Variants in TMEM132D observed in about 807,000 individuals in gnomAD.
The protein encoded by TMEM132D is transmembrane protein 132D.
In TMEM132D, 21 loss-of-function variants were observed where a neutral mutation model predicts 62.3. That is an observed-to-expected ratio of 0.34 (90% CI 0.24 to 0.49). TMEM132D has a LOEUF of 0.49. TMEM132D is among the 20% of genes least tolerant of loss of function. The probability of loss-of-function intolerance (pLI) is 0.99; values close to 1 mark genes in which losing one functional copy is unlikely to be tolerated. For missense variants in TMEM132D, 1,346 were observed against 1,402.8 expected, an observed-to-expected ratio of 0.96 and a Z score of 0.65; for synonymous variants, 621 against 575.6, an observed-to-expected ratio of 1.08 and a Z score of -1.13.
At chr12:129,822,591 G>A (rs1872565991) in intron 1 of TMEM132D, among the ~76,000 whole-genome samples, 1 of 152,196 alleles carries the variant, frequency 6.6e-6, no homozygotes, top group African/African-American at 2.4e-5. Context: ...CTGCTATGAA[G>A]AAATACCCGA....
chr12:129,082,086 G>C (rs1194867025), intron 6 of TMEM132D, 54 bp from the exon 7 acceptor site: 18 of 1,544,992 alleles, frequency 1.2e-5, no homozygotes, highest in Non-Finnish European at 1.6e-5. Flanking sequence ...CCTCTGTAAG[G>C]GGCCGTGTGT....
intron 3 of TMEM132D, among the ~76,000 whole-genome samples, chr12:129,459,195 G>A (rs1324607075): frequency 6.6e-6 from 1 of 152,160 alleles, no homozygotes; most frequent in Non-Finnish European, 1.5e-5. Flanking sequence ...CTGGAAATGA[G>A]GGCAGAGTGA....
At chr12:129,147,640 A>G (rs1876951108) in intron 5 of TMEM132D, among the ~76,000 whole-genome samples, 1 of 152,190 alleles carries the variant, frequency 6.6e-6, no homozygotes, top group African/African-American at 2.4e-5. Context: ...TATTCGTGTT[A>G]GACATTGTAT....
At chr12:129,500,047 C>T (rs1875083852) in intron 3 of TMEM132D, among the ~76,000 whole-genome samples, 1 of 150,624 alleles carries the variant, frequency 6.6e-6, no homozygotes, top group Non-Finnish European at 1.5e-5. Flanking sequence ...TCATCTGTCC[C>T]CCATCAGTCA....
At chr12:129,140,114 A>G (rs1436274634) in intron 5 of TMEM132D, among the ~76,000 whole-genome samples, 1 of 151,980 alleles carries the variant, frequency 6.6e-6, no homozygotes, top group East Asian at 1.9e-4. Context: ...TCTTATGCAT[A>G]TACTTTGATG....
intron 5 of TMEM132D, among the ~76,000 whole-genome samples, chr12:129,188,336 C>A (rs76618346): frequency 6.6e-6 from 1 of 152,134 alleles, no homozygotes; most frequent in Non-Finnish European, 1.5e-5. Flanking sequence ...AAGCCACCAA[C>A]GTATGCATGA....
At chr12:129,548,274 G>C (rs1876795718) in intron 2 of TMEM132D, among the ~76,000 whole-genome samples, 1 of 152,176 alleles carries the variant, frequency 6.6e-6, no homozygotes, top group African/African-American at 2.4e-5. Flanking sequence ...GCTGGAGGCA[G>C]TCCGCAGCAC....
intron 3 of TMEM132D, among the ~76,000 whole-genome samples, chr12:129,494,567 G>C (rs142473890): frequency 6.6e-6 from 1 of 151,932 alleles, no homozygotes; most frequent in Non-Finnish European, 1.5e-5. Context: ...AGTGTAAATC[G>C]GCTTATATAT....
chr12:129,613,506 G>A (rs2137153296), intron 2 of TMEM132D, among the ~76,000 whole-genome samples: 1 of 152,324 alleles, frequency 6.6e-6, no homozygotes, highest in East Asian at 1.9e-4. Flanking sequence ...AGGCCCAGCA[G>A]CAATATGTCA....
chr12:129,821,085 A>G (rs1306026150), intron 1 of TMEM132D, among the ~76,000 whole-genome samples: 1 of 152,230 alleles, frequency 6.6e-6, no homozygotes, highest in East Asian at 1.9e-4. Flanking sequence ...TAGCCATTTT[A>G]AAGCAACATT....
chr12:129,591,222 C>T (rs1377217601), intron 2 of TMEM132D, among the ~76,000 whole-genome samples: 1 of 152,158 alleles, frequency 6.6e-6, no homozygotes, highest in African/African-American at 2.4e-5. Context: ...TAGCCAATGG[C>T]ATATCCTCAT....
At chr12:129,683,460 A>G (rs1457125038) in intron 2 of TMEM132D, among the ~76,000 whole-genome samples, 1 of 152,234 alleles carries the variant, frequency 6.6e-6, no homozygotes, top group Non-Finnish European at 1.5e-5. Flanking sequence ...GCTGGCTATC[A>G]TTATTGCATT....
At chr12:129,246,522 G>A (rs998512618) in intron 4 of TMEM132D, among the ~76,000 whole-genome samples, 3 of 152,146 alleles carry the variant, frequency 2.0e-5, no homozygotes, top group Non-Finnish European at 2.9e-5. Flanking sequence ...TTGGGAGGCC[G>A]AGGCAGGTGG....
In TMEM132D at chr12:129,700,680, A is replaced by T. The variant is rs769174210; in HGVS notation, c.98T>A (p.Ile33Asn). ...GGAAAACCTCTGGATGCTCTCAAGG[A>T]TCCCTCGACCTTCCGTCACTGTGGG... ...LFSKVTEGRG[I>N]LESIQRFSLL... Residue 33 changes from isoleucine to asparagine, a missense_variant, in exon 2 of 9, where the codon ATC becomes AAC. Transcript: ENST00000422113. The T allele has an allele frequency of 4.3e-6, 7 of 1,610,480 alleles. No individual in the cohort carries two copies. The highest frequency in any genetic ancestry group is 5.9e-6 in the Non-Finnish European group (7 of 1,178,098).
At chr12:129,309,370 C>T (rs1359076252) in intron 4 of TMEM132D, among the ~76,000 whole-genome samples, 1 of 152,146 alleles carries the variant, frequency 6.6e-6, no homozygotes, top group Admixed American at 6.5e-5. Context: ...ATTACTTTAT[C>T]ACTACTTAGG....
Position 129,756,697 on chromosome 12 carries a change from T to A in TMEM132D, c.80-55999A>T, listed in dbSNP as rs183351598. On this transcript the variant is annotated intron_variant, in intron 1 of 8. Coordinates refer to ENST00000422113, the MANE Select transcript of TMEM132D (RefSeq NM_133448.3). Reference sequence around the variant, plus strand: ...GGTAAATTATGTGGGATGTATATTTTACCAGAATTAAAATTACAATTTTAA... The same window carrying A: ...GGTAAATTATGTGGGATGTATATTTAACCAGAATTAAAATTACAATTTTAA... 4.3e-4 allele frequency among the ~76,000 whole-genome samples: 66 copies of A among 152,352 alleles called. 1 individual carries two copies. Among genetic ancestry groups the A allele is most frequent in the Admixed American group, 2.9e-3 (44 of 15,304 alleles).
At chr12:129,790,872 T>C (rs1871384735) in intron 1 of TMEM132D, among the ~76,000 whole-genome samples, 1 of 152,192 alleles carries the variant, frequency 6.6e-6, no homozygotes, top group East Asian at 1.9e-4. Context: ...ACCAGAAATA[T>C]GTTTAATAGA....
At chr12:129,631,670 G>A (rs996488002) in intron 2 of TMEM132D, among the ~76,000 whole-genome samples, 4 of 152,202 alleles carry the variant, frequency 2.6e-5, no homozygotes, top group Non-Finnish European at 5.9e-5. Flanking sequence ...CCTTAGCTGG[G>A]AAAGGATCAC....
intron 5 of TMEM132D, among the ~76,000 whole-genome samples, chr12:129,169,540 C>T (rs552976038): frequency 5.9e-5 from 9 of 152,316 alleles, no homozygotes; most frequent in African/African-American, 2.2e-4. Flanking sequence ...TATTATTAAC[C>T]ACTTTTACTT....
Sources: gnomAD v4.1 joint callset for allele counts (sites outside exome capture counted in the v4.1 genomes callset) on GRCh38, gnomAD v4.1.1 for gene constraint, MANE v1.5 for transcripts, NCBI Gene and HGNC (gene_info 2026-07-23, HGNC 2026-07-21) for gene names.